SLC9B1: variants seen among roughly 807,000 people sequenced by gnomAD.
SLC9B1 encodes solute carrier family 9 member B1, also known as sodium/hydrogen exchanger 9B1.
SLC9B1 carries 32 observed loss-of-function variants against 51.7 expected under a neutral mutation model. The ratio of observed to expected loss-of-function variants is 0.62; its 90% confidence interval spans 0.47 to 0.83. The LOEUF is 0.83. SLC9B1 is among the 40% of genes least tolerant of loss of function. SLC9B1 has a pLI of 0.00. For synonymous variants in SLC9B1, 145 were observed against 212.7 expected, an observed-to-expected ratio of 0.68 and a Z score of 2.77; for missense variants, 406 against 613.2, an observed-to-expected ratio of 0.66 and a Z score of 3.57.
intron 6 of SLC9B1, among the ~76,000 whole-genome samples, chr4:102,934,418 T>A (rs1420792618): frequency 2.0e-5 from 3 of 152,166 alleles, no homozygotes; most frequent in African/African-American, 7.2e-5. Context: ...ATAAATGGTG[T>A]TGAGATAACT....
chr4:103,014,451 T>C (rs568519482), intron 1 of SLC9B1, among the ~76,000 whole-genome samples: 2 of 152,362 alleles, frequency 1.3e-5, no homozygotes, highest in Admixed American at 6.5e-5. Context: ...CCCATTATAT[T>C]ACAGATACTG....
At chr4:102,899,680 G>A (rs183073959), downstream of SLC9B1, among the ~76,000 whole-genome samples, 158 of 152,174 alleles carry the variant, frequency 1.0e-3, no homozygotes, top group African/African-American at 3.7e-3. Context: ...CCAAAGTGCT[G>A]GGATTACAGG....
intron 3 of SLC9B1, among the ~76,000 whole-genome samples, chr4:102,955,835 A>G (rs1316088131): frequency 1.5e-5 from 2 of 137,676 alleles, no homozygotes; most frequent in Non-Finnish European, 3.1e-5. Flanking sequence ...GGAAGAAAGA[A>G]AGAGAGAGAG....
At chr4:103,013,106 G>A (rs1226360895) in intron 1 of SLC9B1, among the ~76,000 whole-genome samples, 1 of 152,084 alleles carries the variant, frequency 6.6e-6, no homozygotes, top group Non-Finnish European at 1.5e-5. Flanking sequence ...TATAGACAAA[G>A]CTACCAAAAA....
At chr4:102,958,379 G>A (rs763491452) in intron 3 of SLC9B1, among the ~76,000 whole-genome samples, 42 of 152,216 alleles carry the variant, frequency 2.8e-4, no homozygotes, top group Non-Finnish European at 5.9e-4. Flanking sequence ...ATGCCTGCAT[G>A]CTTCCTGTAC....
intron 3 of SLC9B1, among the ~76,000 whole-genome samples, chr4:102,960,203 T>TTATA (rs35932337): frequency 0.015 from 2,227 of 150,762 alleles, 60 homozygotes; most frequent in African/African-American, 0.05. Context: ...CTTGACTATA[T>TTATA]TATATATATA....
At chr4:102,949,684 G>A (rs930311807) in intron 3 of SLC9B1, among the ~76,000 whole-genome samples, 3 of 152,174 alleles carry the variant, frequency 2.0e-5, no homozygotes, top group African/African-American at 7.2e-5. Flanking sequence ...TGTGGGCCAG[G>A]TGCAGTGGCT....
downstream of SLC9B1, among the ~76,000 whole-genome samples, chr4:102,899,342 A>G (rs11724581): frequency 0.4 from 60,001 of 149,720 alleles, 12,517 homozygotes; most frequent in African/African-American, 0.53. Flanking sequence ...TTATTAAAAT[A>G]AACTTTCTAC....
chr4:102,955,789 A>T (rs1403612903), intron 3 of SLC9B1, among the ~76,000 whole-genome samples: 1 of 151,702 alleles, frequency 6.6e-6, no homozygotes, highest in Non-Finnish European at 1.5e-5. Context: ...AAATTAAAAA[A>T]GAAAGAAAGA....
Position 102,946,767 on chromosome 4 carries a change from C to G in SLC9B1, c.405G>C (p.Thr135=), listed in dbSNP as rs749251463. ...CATTGATGAATGGAACATTCCTAAT[C>G]GTAAAACCAGCCAGTAACATCCCTT... ...PLLGMLLAGF[T]IRNVPFINEH... is the part of the protein sequence containing the mutation. Residue 135 remains threonine (T), a synonymous_variant, in exon 5 of 12, where the codon ACG becomes ACC. Coordinates refer to ENST00000296422, the MANE Select transcript of SLC9B1 (RefSeq NM_139173.4). 4 of 1,597,462 alleles carry G rather than the reference C, an allele frequency of 2.5e-6. No individual in the cohort carries two copies. The Admixed American group carries it at 5.3e-5, about 21-fold the overall frequency.
chr4:102,917,469 CTAT>C (rs1735638454), intron 7 of SLC9B1, among the ~76,000 whole-genome samples: 1 of 75,866 alleles, frequency 1.3e-5, no homozygotes, highest in African/African-American at 4.9e-5. Flanking sequence ...ATATCTATAT[CTAT>C]ATCTATATCT....
At chr4:103,017,983 GA>G (rs1741481442) in intron 1 of SLC9B1, among the ~76,000 whole-genome samples, 1 of 152,130 alleles carries the variant, frequency 6.6e-6, no homozygotes, top group Non-Finnish European at 1.5e-5. Flanking sequence ...CTGGATCCAG[GA>G]AAAACAAAAG....
intron 11 of SLC9B1, among the ~76,000 whole-genome samples, 190 bp from the exon 12 acceptor site, chr4:102,901,522 A>G (rs199630528): frequency 6.6e-6 from 1 of 151,542 alleles, no homozygotes; most frequent in African/African-American, 2.4e-5. Flanking sequence ...GGAAGAGTAC[A>G]ATAGTGACAA....
rs34829436 is a variant in SLC9B1 at position 102,941,664 on chromosome 4, CGA to C, written c.653+3527_653+3528del. Among the ~76,000 whole-genome samples, 376 of 126,728 alleles carry C rather than the reference CGA, an allele frequency of 3.0e-3. 4 individuals carry two copies. Among genetic ancestry groups the C allele is most frequent in the Middle Eastern group, 9.1e-3 (2 of 220 alleles). 83.1% of individuals were successfully genotyped at this position (126,728 alleles called of 152,430 possible). A position where few individuals can be genotyped will look rare whatever the true frequency, so the allele number is the denominator to read the frequency against. On this transcript the variant is annotated intron_variant, in intron 6 of 11. Coordinates refer to ENST00000296422, the MANE Select transcript of SLC9B1 (RefSeq NM_139173.4). Reference sequence around the variant, plus strand: ...CAAAAAAAAAAAAAAAAAAAAAACCCGAGAGAGAGAGAGAAAGAAAAACCCAC... The same window carrying C: ...CAAAAAAAAAAAAAAAAAAAAAACCCGAGAGAGAGAGAAAGAAAAACCCAC...
intron 3 of SLC9B1, among the ~76,000 whole-genome samples, chr4:102,968,095 T>C (rs1226620496): frequency 6.6e-6 from 1 of 152,230 alleles, no homozygotes; most frequent in Non-Finnish European, 1.5e-5. Flanking sequence ...ACTGTCTTAT[T>C]TGAAAATTCA....
At chr4:102,918,038 A>G (rs1257031124) in intron 7 of SLC9B1, among the ~76,000 whole-genome samples, 1 of 147,204 alleles carries the variant, frequency 6.8e-6, no homozygotes, top group East Asian at 2.0e-4. Flanking sequence ...ACTGCACTCC[A>G]GCCTGGGCAA....
intron 1 of SLC9B1, among the ~76,000 whole-genome samples, chr4:103,011,620 C>T (rs1281527543): frequency 1.3e-5 from 2 of 152,194 alleles, no homozygotes; most frequent in Non-Finnish European, 2.9e-5. Context: ...CCAAGGTTCT[C>T]TGTGACCTCC....
intron 3 of SLC9B1, among the ~76,000 whole-genome samples, chr4:102,985,547 T>C (rs1187047634): frequency 2.6e-5 from 4 of 152,088 alleles, no homozygotes; most frequent in Non-Finnish European, 4.4e-5. Flanking sequence ...TTCTTTTTTT[T>C]TTTCTTCCTT....
intron 1 of SLC9B1, among the ~76,000 whole-genome samples, chr4:103,009,790 G>A (rs914819409): frequency 6.6e-6 from 1 of 152,164 alleles, no homozygotes; most frequent in African/African-American, 2.4e-5. Context: ...AACTCTTCTT[G>A]AGGTCAGATA....
Sources: allele counts gnomAD v4.1 joint callset (sites outside exome capture counted in the v4.1 genomes callset), GRCh38; gene constraint gnomAD v4.1.1; transcripts MANE v1.5; gene names NCBI Gene and HGNC (gene_info 2026-07-23, HGNC 2026-07-21).